NDST4: variants seen among roughly 807,000 people sequenced by gnomAD.
NDST4 encodes N-deacetylase and N-sulfotransferase 4, also known as N-heparan sulfate sulfotransferase 4.
A neutral mutation model predicts 100.8 loss-of-function variants in NDST4; 63 were observed. That is an observed-to-expected ratio of 0.62 (90% CI 0.51 to 0.77). The LOEUF is 0.77. NDST4 is among the 30% of genes least tolerant of loss of function. The pLI is 0.00. For synonymous variants in NDST4, 377 were observed against 361.8 expected, an observed-to-expected ratio of 1.04 and a Z score of -0.48; for missense variants, 943 against 1,018.4, an observed-to-expected ratio of 0.93 and a Z score of 1.01.
chr4:114,913,645 C>T (rs1053997171), intron 6 of NDST4, among the ~76,000 whole-genome samples: 5 of 149,562 alleles, frequency 3.3e-5, no homozygotes, highest in African/African-American at 4.9e-5. Flanking sequence ...ATTTTTCTAC[C>T]TTTTAATCAA....
intron 2 of NDST4, among the ~76,000 whole-genome samples, chr4:114,979,787 C>T (rs1002156234): frequency 6.6e-6 from 1 of 151,804 alleles, no homozygotes; most frequent in Non-Finnish European, 1.5e-5. Context: ...GGCCTACTAA[C>T]ATGTAGTCTG....
chr4:114,836,004 T>C (rs1723298202), intron 11 of NDST4, among the ~76,000 whole-genome samples: 1 of 152,234 alleles, frequency 6.6e-6, no homozygotes, highest in East Asian at 1.9e-4. Flanking sequence ...CCTATGTGCG[T>C]CTTCGCACGT....
At chr4:114,929,137 T>TATCC (rs1725458206) in intron 6 of NDST4, among the ~76,000 whole-genome samples, 1 of 151,364 alleles carries the variant, frequency 6.6e-6, no homozygotes. Context: ...TCTATCTATC[T>TATCC]ATCTATCTAT....
At chr4:115,041,437 T>G (rs1170638461) in intron 2 of NDST4, among the ~76,000 whole-genome samples, 1 of 152,056 alleles carries the variant, frequency 6.6e-6, no homozygotes, top group Non-Finnish European at 1.5e-5. Flanking sequence ...TCCCAGTTCA[T>G]TGATGGCAAA....
At chr4:114,903,868 T>C (rs918730478) in intron 6 of NDST4, among the ~76,000 whole-genome samples, 9 of 152,054 alleles carry the variant, frequency 5.9e-5, no homozygotes, top group Admixed American at 5.9e-4. Flanking sequence ...TCTGGTAATC[T>C]CTAGATTTTT....
At chr4:115,023,135 A>C (rs1263339289) in intron 2 of NDST4, among the ~76,000 whole-genome samples, 1 of 152,146 alleles carries the variant, frequency 6.6e-6, no homozygotes, top group African/African-American at 2.4e-5. Flanking sequence ...AAATGGGTGC[A>C]GTGTATACTG....
chr4:114,848,379 G>A, intron 8 of NDST4, 41 bp from the exon 9 acceptor site: 4 of 1,401,898 alleles, frequency 2.9e-6, no homozygotes, highest in Non-Finnish European at 3.9e-6. Flanking sequence ...ATGGCAATAA[G>A]AGACAAAATA....
intron 2 of NDST4, among the ~76,000 whole-genome samples, chr4:114,980,889 A>T (rs1281872898): frequency 6.6e-6 from 1 of 152,164 alleles, no homozygotes; most frequent in East Asian, 1.9e-4. Context: ...TTAATTCAAT[A>T]GTCTCCTAAT....
intron 2 of NDST4, among the ~76,000 whole-genome samples, chr4:115,019,862 C>T (rs1412387157): frequency 1.3e-5 from 2 of 152,020 alleles, no homozygotes; most frequent in African/African-American, 4.8e-5. Flanking sequence ...TGTGCTTTTG[C>T]CTTCTGCTAC....
chr4:114,852,126 T>C (rs1385859613), intron 8 of NDST4, among the ~76,000 whole-genome samples: 2 of 152,196 alleles, frequency 1.3e-5, no homozygotes, highest in African/African-American at 4.8e-5. Context: ...GCTTTCACTC[T>C]CTTTTACTGC....
At chr4:114,981,308 T>C (rs1726767725) in intron 2 of NDST4, among the ~76,000 whole-genome samples, 2 of 152,086 alleles carry the variant, frequency 1.3e-5, no homozygotes, top group African/African-American at 2.4e-5. Flanking sequence ...TTTGCCCCTA[T>C]ATAGCTACAT....
At chr4:114,980,324 C>A (rs556767919) in intron 2 of NDST4, among the ~76,000 whole-genome samples, 1 of 152,036 alleles carries the variant, frequency 6.6e-6, no homozygotes, top group Non-Finnish European at 1.5e-5. Flanking sequence ...ATATTTCGTG[C>A]GGAAACTTTA....
chr4:115,089,874 T>C (rs1317664857), intron 1 of NDST4, among the ~76,000 whole-genome samples: 1 of 151,908 alleles, frequency 6.6e-6, no homozygotes, highest in Non-Finnish European at 1.5e-5. Context: ...ACCCCATTTG[T>C]AGTCACAGGA....
chr4:114,863,302 A>T (rs1723955793), intron 7 of NDST4, among the ~76,000 whole-genome samples: 1 of 152,218 alleles, frequency 6.6e-6, no homozygotes. Context: ...AAGGTGTTTT[A>T]TTTAGGCCCT....
chr4:114,935,336 TG>T lies in NDST4; in HGVS notation c.1408-3del. On this transcript the variant is annotated splice_region_variant and splice_polypyrimidine_tract_variant and intron_variant, in intron 5 of 13. Transcript: ENST00000264363. ...CCCACAAGTCTGTCGAGGGAGGACC[TG>T]AGTAAAAAAGGGGAAAAACAGCACA... The T allele has an allele frequency of 1.3e-6, 2 of 1,571,328 alleles. No homozygotes were observed. Among genetic ancestry groups the T allele is most frequent in the Non-Finnish European group, 1.7e-6 (2 of 1,160,042 alleles).
chr4:114,969,820 C>T (rs1255297676), intron 4 of NDST4, among the ~76,000 whole-genome samples: 1 of 152,138 alleles, frequency 6.6e-6, no homozygotes, highest in Non-Finnish European at 1.5e-5. Context: ...ACTTCTTTGG[C>T]ATATAACTAA....
chr4:115,038,014 A>C (rs2126272733), intron 2 of NDST4, among the ~76,000 whole-genome samples: 1 of 152,320 alleles, frequency 6.6e-6, no homozygotes, highest in African/African-American at 2.4e-5. Flanking sequence ...AGAGAGGATG[A>C]AAATAGAATT....
intron 6 of NDST4, among the ~76,000 whole-genome samples, chr4:114,877,477 T>C (rs1724280133): frequency 1.3e-5 from 2 of 152,320 alleles, no homozygotes; most frequent in South Asian, 4.1e-4. Context: ...AAGATTTTAA[T>C]TCTCTTGCAG....
intron 6 of NDST4, among the ~76,000 whole-genome samples, chr4:114,933,456 T>TTTTTTTTTTTTTTTTA: frequency 5.2e-5 from 7 of 133,420 alleles, no homozygotes; most frequent in Non-Finnish European, 1.2e-4. Context: ...TTTTTTTTTG[T>TTTTTTTTTTTTTTTTA]GTGTAAAAAC....
Sources: allele counts gnomAD v4.1 joint callset (sites outside exome capture counted in the v4.1 genomes callset), GRCh38; gene constraint gnomAD v4.1.1; transcripts MANE v1.5; gene names NCBI Gene and HGNC (gene_info 2026-07-23, HGNC 2026-07-21).